SCD: variants seen among roughly 807,000 people sequenced by gnomAD.
SCD encodes the protein acyl-CoA desaturase.
SCD carries 4 observed loss-of-function variants against 35.7 expected under a neutral mutation model. The ratio of observed to expected loss-of-function variants is 0.11; its 90% CI spans 0.06 to 0.26. The LOEUF (loss-of-function observed/expected upper bound fraction) is 0.26, where lower values mean the gene tolerates loss of function less well. Ranked by LOEUF, SCD falls within the 10% of genes least tolerant of loss-of-function variation. The probability of loss-of-function intolerance (pLI) is 1.00; values close to 1 mark genes in which losing one functional copy is unlikely to be tolerated. For missense variants in SCD, 282 were observed against 460.7 expected, an observed-to-expected ratio of 0.61 and a Z score of 3.55; for synonymous variants, 150 against 170.2, an observed-to-expected ratio of 0.88 and a Z score of 0.92.
In SCD at chr10:100,347,447, G is replaced by GA. The variant is rs1259233975; in HGVS notation, c.-56dup. On this transcript the variant is annotated 5_prime_UTR_variant, in exon 1 of 6. Coordinates refer to ENST00000370355, the MANE Select transcript of SCD (RefSeq NM_005063.5). ...GAAACCGCAGTCCTCCGGCGACCCC[G>GA]AACTCCGCTCCGGAGCCTCAGCCCC... 6.3e-7 allele frequency: 1 copy of GA among 1,597,372 alleles called. No individual in the cohort carries two copies. The highest frequency in any genetic ancestry group is 1.3e-5 in the African/African-American group (1 of 74,726).
At chr10:100,354,823 TTC>T (rs1467587089) in intron 4 of SCD, among the ~76,000 whole-genome samples, 191 bp downstream of exon 4, 1 of 152,264 alleles carries the variant, frequency 6.6e-6, no homozygotes, top group Non-Finnish European at 1.5e-5. Flanking sequence ...CTCCATTTCT[TTC>T]TCTCTGACTA....
intron 3 of SCD, among the ~76,000 whole-genome samples, chr10:100,353,541 C>T (rs374831122): frequency 1.5e-4 from 22 of 147,886 alleles, no homozygotes; most frequent in African/African-American, 4.8e-4. Flanking sequence ...GCTGAGATCG[C>T]GCCACTGCAC....
chr10:100,348,831 G>A lies in SCD; in HGVS notation c.310+485G>A, dbSNP rs529215627. On this transcript the variant is annotated intron_variant, in intron 2 of 5. Coordinates refer to ENST00000370355, the MANE Select transcript of SCD (RefSeq NM_005063.5). Reference sequence around the variant, plus strand: ...AGGAGAGAGCTCATTGGAAAGAGAGGAAAAGAGAGGTTGTTATCCACAAAA... The same window carrying A: ...AGGAGAGAGCTCATTGGAAAGAGAGAAAAAGAGAGGTTGTTATCCACAAAA... 7.2e-5 allele frequency among the ~76,000 whole-genome samples: 11 copies of A among 152,222 alleles called. 2 individuals are homozygous for A. In the East Asian group the frequency reaches 1.7e-3, roughly 24 times the overall value.
chr10:100,351,005 T>C (rs1181749116), intron 2 of SCD, among the ~76,000 whole-genome samples: 1 of 152,196 alleles, frequency 6.6e-6, no homozygotes, highest in Admixed American at 6.5e-5. Flanking sequence ...GGAGGTTGTT[T>C]AGGAAACAGC....
Position 100,363,540 on chromosome 10 carries a change from T to G in SCD, c.*2607T>G, listed in dbSNP as rs1037214474. 6.6e-6 allele frequency: 1 copy of G among 152,254 alleles called. No individual in the cohort carries two copies. Among genetic ancestry groups the G allele is most frequent in the African/African-American group, 2.4e-5 (1 of 41,460 alleles). The allele number at this position is 152,254 out of a possible 1,614,324, so 9.4% of individuals were successfully genotyped here. A position where few individuals can be genotyped will look rare whatever the true frequency, so the allele number is the denominator to read the frequency against. On this transcript the variant is annotated 3_prime_UTR_variant, in exon 6 of 6. Coordinates refer to ENST00000370355, the MANE Select transcript of SCD (RefSeq NM_005063.5). Reference sequence around the variant, plus strand: ...CCTACCCCTTGGAAATGTCTGCTGGTATTTCTAATTCCACAGGTCATCAGA... The same window carrying G: ...CCTACCCCTTGGAAATGTCTGCTGGGATTTCTAATTCCACAGGTCATCAGA...
At position 100,358,147 on chromosome 10, in the gene SCD, A is replaced by C. The variant is rs1049758541; in HGVS notation, c.880+1383A>C. Among the ~76,000 whole-genome samples the C allele has an allele frequency of 2.0e-5, 3 of 152,070 alleles. No individual in the cohort carries two copies. In the South Asian group the frequency reaches 6.2e-4, roughly 32 times the overall value. On this transcript the variant is annotated intron_variant, in intron 5 of 5. Coordinates refer to ENST00000370355, the MANE Select transcript of SCD (RefSeq NM_005063.5). ...CCCAAGTAACTGGGATTACAGGTGC[A>C]TGCCACCATGCTTGGCTAATTTTTC...
At position 100,347,528 on chromosome 10, in the gene SCD, C is replaced by G; in HGVS notation, c.24C>G (p.Asp8Glu). The G allele has an allele frequency of 6.2e-7, 1 of 1,614,018 alleles. No individual in the cohort carries two copies. Among genetic ancestry groups the G allele is most frequent in the South Asian group, 1.1e-5 (1 of 91,082 alleles). Reference sequence around the variant, plus strand: ...AGATGCCGGCCCACTTGCTGCAGGACGATGTGAGTTTCCCAGCCTGGCCCC... The same window carrying G: ...AGATGCCGGCCCACTTGCTGCAGGAGGATGTGAGTTTCCCAGCCTGGCCCC... MPAHLLQ[D>E]DISSSYTTTT... The change falls in exon 1 of 6, where the codon GAC (aspartate) becomes GAG (glutamate). Residue 8 changes from aspartate (D) to glutamate (E), a missense_variant. By Grantham distance (45) the Asp-to-Glu change is conservative (BLOSUM62 2). This residue lies in a region of SCD where 77 missense variants were observed against 88.4 expected (regional missense o/e 0.87). Coordinates refer to ENST00000370355, the MANE Select transcript of SCD (RefSeq NM_005063.5).
chr10:100,347,473 C>A lies in SCD; in HGVS notation c.-32C>A. 6.2e-7 allele frequency: 1 copy of A among 1,613,302 alleles called. No homozygotes were observed. Among genetic ancestry groups the A allele is most frequent in the Non-Finnish European group, 8.5e-7 (1 of 1,179,774 alleles). ...AACTCCGCTCCGGAGCCTCAGCCCCCTGGAAAGTGATCCCGGCATCCGAGA... is the reference window on the plus strand; with the variant it reads ...AACTCCGCTCCGGAGCCTCAGCCCCATGGAAAGTGATCCCGGCATCCGAGA... On this transcript the variant is annotated 5_prime_UTR_variant, in exon 1 of 6. It adds an upstream start codon to the 5' untranslated region. Transcript: ENST00000370355.
rs984636380 is a variant in SCD at position 100,356,933 on chromosome 10, C to A, written c.880+169C>A. On this transcript the variant is annotated intron_variant, in intron 5 of 5. Transcript: ENST00000370355. This position sits in a 1 kb window ranked among gnomAD's most constrained non-coding sequence, Gnocchi z 4.1. ...CTGGAAAACGCTTTTGAGAGTCAGG[C>A]AACATGTTTTATGTAAAAATGAAAG... Among the ~76,000 whole-genome samples the A allele has an allele frequency of 1.3e-5, 2 of 152,174 alleles. No homozygotes were observed. The highest frequency in any genetic ancestry group is 4.8e-5 in the African/African-American group (2 of 41,452).
chr10:100,349,605 C>A (rs1008182039), intron 2 of SCD, among the ~76,000 whole-genome samples: 1 of 152,128 alleles, frequency 6.6e-6, no homozygotes, highest in Non-Finnish European at 1.5e-5. Context: ...AGAAGAGCCC[C>A]TTTGTCAGGA....
At chr10:100,351,342 G>C (rs1331558250) in intron 2 of SCD, among the ~76,000 whole-genome samples, 2 of 106,942 alleles carry the variant, frequency 1.9e-5, no homozygotes, top group African/African-American at 7.8e-5. Context: ...TGTCTAGAGA[G>C]CGTTGCCCGG....
Position 100,354,533 on chromosome 10 carries a change from G to A in SCD, c.548G>A (p.Gly183Asp), listed in dbSNP as rs1434354421. The stretch of plus-strand genomic sequence containing the variant: ...CGTGGCTTTTTCTTCTCTCACGTGG[G>A]TTGGCTGCTTGTGCGCAAACACCCA... ...SRRGFFFSHV[G>D]WLLVRKHPAV... The change falls in exon 4 of 6, where the codon GGT becomes GAT. Residue 183 changes from glycine (G) to aspartate (D), a missense_variant. By Grantham distance (94) the Gly-to-Asp change is moderately conservative (BLOSUM62 -1). Around this residue, in one of 2 missense-constraint regions of SCD, gnomAD observed 205 missense variants for 372.3 expected, o/e 0.55. Transcript: ENST00000370355. 6.2e-7 allele frequency: 1 copy of A among 1,614,128 alleles called. No individual in the cohort carries two copies. Among genetic ancestry groups the A allele is most frequent in the Non-Finnish European group, 8.5e-7 (1 of 1,179,988 alleles).
chr10:100,351,513 GGCCACACTGACT>G (rs1849872569), intron 2 of SCD, among the ~76,000 whole-genome samples: 1 of 152,220 alleles, frequency 6.6e-6, no homozygotes, highest in South Asian at 2.1e-4. Context: ...TCCCTGATTT[GGCCACACTGACT>G]GCTTGAATAT....
intron 2 of SCD, among the ~76,000 whole-genome samples, chr10:100,350,631 T>C (rs1849861045): frequency 6.6e-6 from 1 of 152,202 alleles, no homozygotes. Flanking sequence ...TAGAGGTGTT[T>C]CTAGAAAAGG....
chr10:100,357,533 T>C (rs1305644907), intron 5 of SCD, among the ~76,000 whole-genome samples: 1 of 152,192 alleles, frequency 6.6e-6, no homozygotes, highest in Admixed American at 6.5e-5. Flanking sequence ...GCTAGGAACA[T>C]CCCTTCCCCC....
In SCD at chr10:100,352,288, C is replaced by T; in HGVS notation, c.311-78C>T. 1 of 1,470,152 alleles carries T rather than the reference C, an allele frequency of 6.8e-7. No individual in the cohort carries two copies. Among genetic ancestry groups the T allele is most frequent in the Non-Finnish European group, 9.4e-7 (1 of 1,068,882 alleles). The allele number at this position is 1,470,152 out of a possible 1,614,324, so 91.1% of individuals were successfully genotyped here. On this transcript the variant is annotated intron_variant, in intron 2 of 5. Transcript: ENST00000370355. The surrounding 1 kb of genome is among the most constrained non-coding windows in gnomAD (Gnocchi z 4.2). The stretch of plus-strand genomic sequence containing the variant: ...GCCTGACGAAGACAGTTTCTAGCAT[C>T]CAGAGAGTGTCTCTGGCATCCTTTC...
rs375553724 is a variant in SCD at position 100,360,795 on chromosome 10, C to T, written c.942C>T (p.Arg314=). The T allele has an allele frequency of 1.9e-6, 3 of 1,613,882 alleles. No individual in the cohort carries two copies. The African/African-American group carries it at 4.0e-5, about 22-fold the overall frequency. The change falls in exon 6 of 6, where the codon CGC becomes CGT. Residue 314 remains arginine (R), a synonymous_variant. Coordinates refer to ENST00000370355, the MANE Select transcript of SCD (RefSeq NM_005063.5). ...FPYDYSASEY[R]WHINFTTFFI... ...ATGACTACTCTGCCAGTGAGTACCG[C>T]TGGCACATCAACTTCACCACATTCT...
At position 100,354,508 on chromosome 10, in the gene SCD, C is replaced by T. The variant is rs1261617778; in HGVS notation, c.523C>T (p.Arg175Cys). ...ACATGCTGATCCTCATAATTCCCGACGTGGCTTTTTCTTCTCTCACGTGGG... is the reference window on the plus strand; with the variant it reads ...ACATGCTGATCCTCATAATTCCCGATGTGGCTTTTTCTTCTCTCACGTGGG... The part of the protein sequence containing the change: ...ETHADPHNSR[R>C]GFFFSHVGWL... Residue 175 changes from arginine to cysteine, a missense_variant, in exon 4 of 6, where the codon CGT becomes TGT. This residue lies in a region of SCD where 205 missense variants were observed against 372.3 expected (regional missense o/e 0.55). Transcript: ENST00000370355. The T allele has an allele frequency of 4.3e-6, 7 of 1,614,020 alleles. No homozygotes were observed. The highest frequency in any genetic ancestry group is 1.7e-5 in the Admixed American group (1 of 60,004).
intron 5 of SCD, among the ~76,000 whole-genome samples, chr10:100,359,848 C>A (rs1301868669): frequency 6.6e-6 from 1 of 152,074 alleles, no homozygotes; most frequent in African/African-American, 2.4e-5. Context: ...GGCAAACTCT[C>A]TATCTGTCGA....
Sources: allele counts gnomAD v4.1 joint callset (sites outside exome capture counted in the v4.1 genomes callset), GRCh38; gene constraint gnomAD v4.1.1; regional missense constraint gnomAD v4.1.1; non-coding constraint Gnocchi (gnomAD v3.1); transcripts MANE v1.5; gene names NCBI Gene and HGNC (gene_info 2026-07-23, HGNC 2026-07-21).